Variants in FHOD3 observed in about 807,000 individuals in gnomAD.
The protein encoded by FHOD3 is formin homology 2 domain containing 3.
Under a neutral mutation model 173.0 loss-of-function variants are expected in FHOD3, and 90 were observed. The ratio of observed to expected loss-of-function variants is 0.52; its 90% CI spans 0.44 to 0.62. The LOEUF (loss-of-function observed/expected upper bound fraction) is 0.62. Ranked by LOEUF, FHOD3 falls within the 20% of genes least tolerant of loss-of-function variation. FHOD3 has a pLI of 0.00. For synonymous variants in FHOD3, 828 were observed against 823.0 expected (o/e 1.01, Z -0.10); for missense variants, 1,945 against 2,034.7 (o/e 0.96, Z 0.85).
intron 10 of FHOD3, among the ~76,000 whole-genome samples, chr18:36,642,488 G>C (rs1024391887): frequency 6.6e-6 from 1 of 150,926 alleles, no homozygotes; most frequent in African/African-American, 2.4e-5. Context: ...GCGTGGTGGC[G>C]GGTGCCTGTA....
chr18:36,556,314 A>G (rs2057882483), intron 5 of FHOD3, among the ~76,000 whole-genome samples: 2 of 152,172 alleles, frequency 1.3e-5, no homozygotes, highest in African/African-American at 4.8e-5. Flanking sequence ...CCTCCATATC[A>G]GCAGGTTCCT....
chr18:36,670,096 A>G (rs751665981), intron 14 of FHOD3, among the ~76,000 whole-genome samples: 100 of 151,844 alleles, frequency 6.6e-4, no homozygotes, highest in Non-Finnish European at 1.3e-3. Flanking sequence ...TTGATGATAA[A>G]TCTTCTGTTT....
At chr18:36,651,959 G>A (rs1426533478) in intron 11 of FHOD3, among the ~76,000 whole-genome samples, 2 of 152,154 alleles carry the variant, frequency 1.3e-5, no homozygotes, top group African/African-American at 4.8e-5. Flanking sequence ...GGGAGGCCCT[G>A]GAGAAAGTAT....
intron 6 of FHOD3, among the ~76,000 whole-genome samples, chr18:36,577,846 A>G (rs1190108420): frequency 6.6e-6 from 1 of 152,224 alleles, no homozygotes; most frequent in Non-Finnish European, 1.5e-5. Flanking sequence ...AAGCTGGGCA[A>G]GCCTCTGGCA....
intron 5 of FHOD3, among the ~76,000 whole-genome samples, chr18:36,541,236 C>A (rs1340081944): frequency 1.7e-5 from 2 of 114,692 alleles, no homozygotes; most frequent in East Asian, 5.0e-4. Context: ...AGCGACAGAG[C>A]GAGACTCTGT....
chr18:36,581,109 T>C (rs2058834550), intron 6 of FHOD3, among the ~76,000 whole-genome samples: 1 of 152,252 alleles, frequency 6.6e-6, no homozygotes, highest in Non-Finnish European at 1.5e-5. Flanking sequence ...AATGCATTCG[T>C]AGCCAAATAA....
chr18:36,637,066 C>T (rs2034944980), intron 10 of FHOD3, among the ~76,000 whole-genome samples: 1 of 152,100 alleles, frequency 6.6e-6, no homozygotes, highest in African/African-American at 2.4e-5. Flanking sequence ...TCCATGATAG[C>T]TCATGTCTAT....
chr18:36,718,935 T>C (rs2040610060), intron 19 of FHOD3, among the ~76,000 whole-genome samples: 2 of 152,208 alleles, frequency 1.3e-5, no homozygotes, highest in Admixed American at 6.5e-5. Context: ...AGCTTACTTA[T>C]ATTAGGCAAA....
At chr18:36,309,338 C>CTT (rs1370321530) in intron 1 of FHOD3, among the ~76,000 whole-genome samples, 1 of 152,154 alleles carries the variant, frequency 6.6e-6, no homozygotes, top group Non-Finnish European at 1.5e-5. Context: ...TGCAGCAGCT[C>CTT]TGATTAATGG....
Position 36,755,397 on chromosome 18 carries a change from C to CT in FHOD3, c.4425+114dup, listed in dbSNP as rs200164880. 469 of 212,528 alleles carry CT rather than the reference C, an allele frequency of 2.2e-3. 19 individuals are homozygous for CT. Among genetic ancestry groups the CT allele is most frequent in the East Asian group, 3.8e-3 (30 of 7,874 alleles). 13.2% of individuals were successfully genotyped at this position (212,528 alleles called of 1,614,324 possible). ...ATCCTCCCCACAGTTAAAAGCTGTG[C>CT]TTTTTTTTTTTTTTTTTTTTTTTTT... On this transcript the variant is annotated intron_variant, in intron 25 of 28. Coordinates refer to ENST00000590592, the MANE Select transcript of FHOD3 (RefSeq NM_001281740.3).
intron 3 of FHOD3, among the ~76,000 whole-genome samples, chr18:36,489,401 T>C (rs1459095734): frequency 6.6e-6 from 1 of 152,212 alleles, no homozygotes; most frequent in African/African-American, 2.4e-5. Flanking sequence ...TGTTCTTCGT[T>C]GTTTTTAAAA....
chr18:36,352,919 G>A (rs989912934), intron 1 of FHOD3, among the ~76,000 whole-genome samples: 1 of 152,296 alleles, frequency 6.6e-6, no homozygotes, highest in East Asian at 1.9e-4. Flanking sequence ...TCCACTGTAC[G>A]TGTCAACAGG....
At chr18:36,373,918 G>A (rs1450866870) in intron 3 of FHOD3, among the ~76,000 whole-genome samples, 3 of 152,174 alleles carry the variant, frequency 2.0e-5, no homozygotes, top group Non-Finnish European at 2.9e-5. Flanking sequence ...ACACGACTTT[G>A]GATAAACTTC....
chr18:36,390,507 C>T (rs2048251059), intron 3 of FHOD3, among the ~76,000 whole-genome samples: 1 of 152,094 alleles, frequency 6.6e-6, no homozygotes, highest in South Asian at 2.1e-4. Context: ...TGGCATGCAC[C>T]CTGTCCTTGT....
chr18:36,360,093 T>C (rs563886675), intron 2 of FHOD3, among the ~76,000 whole-genome samples: 1 of 152,302 alleles, frequency 6.6e-6, no homozygotes, highest in African/African-American at 2.4e-5. Context: ...ACCCTCAGTG[T>C]CTCTGAAAGG....
chr18:36,501,362 C>T (rs1474040488), intron 3 of FHOD3, among the ~76,000 whole-genome samples: 1 of 152,156 alleles, frequency 6.6e-6, no homozygotes, highest in Non-Finnish European at 1.5e-5. Flanking sequence ...CCTTGGGTCT[C>T]CCATGCTGCC....
intron 21 of FHOD3, 102 bp downstream of exon 21, chr18:36,740,940 A>G: frequency 2.5e-6 from 3 of 1,182,478 alleles, no homozygotes; most frequent in Non-Finnish European, 3.5e-6. Flanking sequence ...CATTCTTGGC[A>G]TAGGGTACGG....
At chr18:36,331,984 G>C (rs2045039812) in intron 1 of FHOD3, among the ~76,000 whole-genome samples, 1 of 152,170 alleles carries the variant, frequency 6.6e-6, no homozygotes, top group African/African-American at 2.4e-5. Flanking sequence ...CTGTGAGGTT[G>C]CTGAAAGAGG....
rs747042785 is a variant in FHOD3, at chr18:36,730,682, G to T, written c.3454G>T (p.Val1152Phe). The change falls in exon 20 of 29, where the codon GTT becomes TTT. Residue 1152 changes from valine to phenylalanine, a missense_variant. Val to Phe is a conservative substitution (Grantham distance 50). Transcript: ENST00000590592. ...AGATGGAAAAAGGCAAGAGATCATT[G>T]TTCTGGATTCCAAGAGGAGTAACGC... ...AADGKRQEII[V>F]LDSKRSNAIN... The T allele has an allele frequency of 1.2e-6, 2 of 1,613,866 alleles. No homozygotes were observed. Among genetic ancestry groups the T allele is most frequent in the Non-Finnish European group, 1.7e-6 (2 of 1,179,988 alleles).
Sources: allele counts gnomAD v4.1 joint callset (sites outside exome capture counted in the v4.1 genomes callset), GRCh38; gene constraint gnomAD v4.1.1; transcripts MANE v1.5; gene names NCBI Gene and HGNC (gene_info 2026-07-23, HGNC 2026-07-21).